Variants in CCDC88A observed in about 807,000 individuals in gnomAD.
CCDC88A encodes the protein girdin.
In CCDC88A, 54 loss-of-function variants were observed where a neutral mutation model predicts 234.3. The observed-to-expected ratio is 0.23, with a 90% CI of 0.19 to 0.29. The LOEUF is 0.29. CCDC88A is among the 10% of genes least tolerant of loss of function. The pLI is 1.00. For synonymous variants in CCDC88A, 753 were observed against 737.8 expected (o/e 1.02, Z -0.33); for missense variants, 1,832 against 2,123.4 (o/e 0.86, Z 2.70).
In CCDC88A at chr2:55,397,748, T is replaced by C. The variant is rs147284001; in HGVS notation, c.165-8862A>G. 1.4e-3 allele frequency among the ~76,000 whole-genome samples: 211 copies of C among 152,266 alleles called. 2 individuals are homozygous for C. Among genetic ancestry groups the C allele is most frequent in the Non-Finnish European group, 2.6e-3 (176 of 68,024 alleles). ...TGTGTCCAATATTCCTCACATGATA[T>C]CTTGAAATGTATTCAGTTGTCAGGA... On this transcript the variant is annotated intron_variant, in intron 2 of 32. Coordinates refer to ENST00000436346, the MANE Select transcript of CCDC88A (RefSeq NM_001365480.1).
At chr2:55,292,482 T>C (rs1306017124) in intron 31 of CCDC88A, 1 of 151,254 alleles carries the variant, frequency 6.6e-6, no homozygotes, top group Admixed American at 6.6e-5. Context: ...CAGAAAGTAT[T>C]GTTTTTTTTC....
chr2:55,326,874 T>A (rs1574119693), intron 17 of CCDC88A, among the ~76,000 whole-genome samples: 2 of 152,206 alleles, frequency 1.3e-5, no homozygotes, highest in South Asian at 4.1e-4. Flanking sequence ...CCCAGCCTAA[T>A]GATGGCATTT....
At position 55,357,424 on chromosome 2, in the gene CCDC88A, G is replaced by A. The variant is rs1179521867; in HGVS notation, c.628-1673C>T. Among the ~76,000 whole-genome samples the A allele has an allele frequency of 6.1e-5, 9 of 147,588 alleles. No homozygotes were observed. The East Asian group carries it at 1.6e-3, about 27-fold the overall frequency. On this transcript the variant is annotated intron_variant, in intron 7 of 32. Transcript: ENST00000436346. ...TCTCTCTCTTTCTTTCCCCTCCATG[G>A]GACACAAACCTCCCTTTCATTTTCC...
chr2:55,304,413 C>T (rs1178816549), intron 25 of CCDC88A, among the ~76,000 whole-genome samples: 1 of 152,056 alleles, frequency 6.6e-6, no homozygotes, highest in African/African-American at 2.4e-5. Context: ...TATTTAGCAG[C>T]ACCACTGAAA....
intron 2 of CCDC88A, among the ~76,000 whole-genome samples, chr2:55,392,410 A>C (rs1676798439): frequency 6.6e-6 from 1 of 152,204 alleles, no homozygotes; most frequent in Non-Finnish European, 1.5e-5. Flanking sequence ...CAATCTACAA[A>C]TTTATTAAGA....
In CCDC88A at chr2:55,317,254, T is replaced by C; in HGVS notation, c.3698A>G (p.His1233Arg). The change falls in exon 21 of 33, where the codon CAT becomes CGT. Residue 1233 changes from histidine (H) to arginine (R), a missense_variant. Coordinates refer to ENST00000436346, the MANE Select transcript of CCDC88A (RefSeq NM_001365480.1). The surrounding 1 kb of genome is among the most constrained non-coding windows in gnomAD (Gnocchi z 4.2). ...QEKMLLENKN[H>R]ETVAAEYKKL... The stretch of plus-strand genomic sequence containing the variant: ...CTTGTATTCTGCAGCTACTGTTTCA[T>C]GATTTTTATTTTCAAGCAGCATTTT... 2 of 1,555,012 alleles carry C rather than the reference T, an allele frequency of 1.3e-6. No homozygotes were observed. Among genetic ancestry groups the C allele is most frequent in the Non-Finnish European group, 1.7e-6 (2 of 1,146,822 alleles).
At position 55,401,433 on chromosome 2, in the gene CCDC88A, C is replaced by CAAAAAAAAAA. The variant is rs1418741634; in HGVS notation, c.165-12548_165-12547insTTTTTTTTTT. ...TGGATGACAGAGAAAGACTCTGTCT[C>CAAAAAAAAAA]CAAAAAAAAAAAAAATATATATATA... is the stretch of plus-strand genomic sequence containing the variant. On this transcript the variant is annotated intron_variant, in intron 2 of 32. Transcript: ENST00000436346. 3.7e-3 allele frequency among the ~76,000 whole-genome samples: 111 copies of CAAAAAAAAAA among 30,114 alleles called. 10 individuals carry two copies. The highest frequency in any genetic ancestry group is 0.015 in the African/African-American group (63 of 4,130). 19.8% of individuals were successfully genotyped at this position (30,114 alleles called of 152,430 possible). A position where few individuals can be genotyped will look rare whatever the true frequency, so the allele number is the denominator to read the frequency against.
chr2:55,300,850 AT>A (rs772883320), intron 28 of CCDC88A: 46 of 173,250 alleles, frequency 2.7e-4, no homozygotes, highest in Middle Eastern at 5.2e-3. Context: ...TAAAACAGAT[AT>A]TTTTAATATT....
chr2:55,299,600 A>G (rs1301040359), intron 29 of CCDC88A, among the ~76,000 whole-genome samples: 1 of 152,272 alleles, frequency 6.6e-6, no homozygotes, highest in African/African-American at 2.4e-5. Context: ...AAATATTACT[A>G]TAAGACTTTT....
intron 6 of CCDC88A, 141 bp from the exon 7 acceptor site, chr2:55,362,589 T>C (rs1040864231): frequency 5.4e-6 from 3 of 560,304 alleles, no homozygotes; most frequent in South Asian, 7.2e-5. Context: ...AAGGAGAACA[T>C]TTGAAATGAT....
chr2:55,416,484 ATATG>A (rs1558860427), intron 2 of CCDC88A, among the ~76,000 whole-genome samples: 6 of 80,108 alleles, frequency 7.5e-5, no homozygotes, highest in Non-Finnish European at 1.1e-4. Context: ...ATATATATAT[ATATG>A]TATATATTTT....
intron 2 of CCDC88A, among the ~76,000 whole-genome samples, chr2:55,412,152 G>A (rs2104989338): frequency 6.6e-6 from 1 of 152,290 alleles, no homozygotes; most frequent in East Asian, 1.9e-4. Context: ...TCTATGCTAG[G>A]TGCTAGTGAT....
chr2:55,392,305 A>T (rs1676781834), intron 2 of CCDC88A, among the ~76,000 whole-genome samples: 1 of 152,176 alleles, frequency 6.6e-6, no homozygotes, highest in Non-Finnish European at 1.5e-5. Flanking sequence ...ATTTATCTTA[A>T]CCATTCCTGC....
chr2:55,381,675 T>C (rs147514076), intron 3 of CCDC88A, among the ~76,000 whole-genome samples: 48 of 152,156 alleles, frequency 3.2e-4, no homozygotes, highest in African/African-American at 1.0e-3. Flanking sequence ...ATGCCAGATA[T>C]AAACATTATT....
At chr2:55,415,413 C>G (rs1294169360) in intron 2 of CCDC88A, among the ~76,000 whole-genome samples, 2 of 152,202 alleles carry the variant, frequency 1.3e-5, no homozygotes, top group African/African-American at 4.8e-5. Flanking sequence ...ATACATAAAA[C>G]GTTTTTCAAG....
intron 3 of CCDC88A, among the ~76,000 whole-genome samples, chr2:55,379,743 G>T (rs990489297): frequency 6.6e-6 from 1 of 151,990 alleles, no homozygotes; most frequent in Non-Finnish European, 1.5e-5. Flanking sequence ...GAGAAACCTT[G>T]TCTCTACTAA....
In CCDC88A at chr2:55,322,653, C is replaced by T; in HGVS notation, c.3037G>A (p.Glu1013Lys). 6.4e-7 allele frequency: 1 copy of T among 1,573,818 alleles called. No homozygotes were observed. Among genetic ancestry groups the T allele is most frequent in the Non-Finnish European group, 8.6e-7 (1 of 1,162,086 alleles). ...NYEALKQRQD[E>K]ERMVQSSPPI... Reference sequence around the variant, plus strand: ...GGAGAGCTCTGTACCATCCTTTCCTCATCTTGTCTCTGTTTGAGAGCTTCA... The same window carrying T: ...GGAGAGCTCTGTACCATCCTTTCCTTATCTTGTCTCTGTTTGAGAGCTTCA... Residue 1013 changes from glutamate (E) to lysine (K), a missense_variant, in exon 18 of 33, where the codon GAG (glutamate) becomes AAG (lysine). Glu to Lys is a moderately conservative substitution (Grantham distance 56). This residue lies in a region of CCDC88A where 1,282 missense variants were observed against 1,543.6 expected (regional missense o/e 0.83). Transcript: ENST00000436346.
chr2:55,346,339 C>T lies in CCDC88A; in HGVS notation c.883-6G>A, dbSNP rs112877413. 8.0e-4 allele frequency: 1,225 copies of T among 1,540,238 alleles called. 6 individuals are homozygous for T. The African/African-American group carries it at 0.01, about 13-fold the overall frequency. On this transcript the variant is annotated splice_region_variant and splice_polypyrimidine_tract_variant and intron_variant, in intron 9 of 32. Transcript: ENST00000436346. ...TCCGAAAGCAAATTCATGTTCTAAA[C>T]AAAAATTTAAAATTATATTTTAATT...
rs1491498389 is a variant in CCDC88A at position 55,375,512 on chromosome 2, T to TATATAC, written c.274-630_274-629insGTATAT. On this transcript the variant is annotated intron_variant, in intron 3 of 32. Transcript: ENST00000436346. ...ATATATATATATATATATATATATA[T>TATATAC]GTATGTATGTATAAATATGTTGGGT... Among the ~76,000 whole-genome samples the TATATAC allele has an allele frequency of 7.6e-3, 105 of 13,836 alleles. 1 individual carries two copies. Among genetic ancestry groups the TATATAC allele is most frequent in the African/African-American group, 0.017 (100 of 5,952 alleles). The allele number at this position is 13,836 out of a possible 152,430, so 9.1% of individuals were successfully genotyped here.
Sources: allele counts gnomAD v4.1 joint callset (sites outside exome capture counted in the v4.1 genomes callset), GRCh38; gene constraint gnomAD v4.1.1; regional missense constraint gnomAD v4.1.1; non-coding constraint Gnocchi (gnomAD v3.1); transcripts MANE v1.5; gene names NCBI Gene and HGNC (gene_info 2026-07-23, HGNC 2026-07-21).